The following B3GAT2 variants were observed in gnomAD, a reference collection of about 807,000 sequenced individuals.
B3GAT2 encodes galactosylgalactosylxylosylprotein 3-beta-glucuronosyltransferase 2.
In B3GAT2, 26 loss-of-function variants were observed where a neutral mutation model predicts 27.8. The ratio of observed to expected loss-of-function variants is 0.93; its 90% CI spans 0.68 to 1.30. B3GAT2 has a LOEUF of 1.30. B3GAT2 is among the 50% of genes most tolerant of loss of function. B3GAT2 has a pLI of 0.00. For synonymous variants in B3GAT2, 218 were observed against 195.1 expected (o/e 1.12, Z -0.98); for missense variants, 458 against 459.0 (o/e 1.00, Z 0.02).
At chr6:70,870,156 G>A (rs1406885246) in intron 2 of B3GAT2, among the ~76,000 whole-genome samples, 1 of 151,786 alleles carries the variant, frequency 6.6e-6, no homozygotes, top group Non-Finnish European at 1.5e-5. Flanking sequence ...ATCCAACAAC[G>A]ATAGACTGGA....
intron 2 of B3GAT2, among the ~76,000 whole-genome samples, chr6:70,885,118 A>G (rs1772163049): frequency 6.6e-6 from 1 of 152,212 alleles, no homozygotes; most frequent in South Asian, 2.1e-4. Context: ...TTACCTACAG[A>G]TGCTCTCCTA....
At chr6:70,907,747 T>C (rs1028685522) in intron 1 of B3GAT2, among the ~76,000 whole-genome samples, 81 of 152,178 alleles carry the variant, frequency 5.3e-4, no homozygotes, top group African/African-American at 1.8e-3. Flanking sequence ...GTGTTGCTTA[T>C]AAAGCGACAT....
chr6:70,867,142 C>G (rs1210078414), intron 2 of B3GAT2, among the ~76,000 whole-genome samples: 1 of 152,000 alleles, frequency 6.6e-6, no homozygotes, highest in East Asian at 1.9e-4. Context: ...CAAGACATAT[C>G]AAAATGTGTA....
chr6:70,943,807 G>A (rs1256225062), intron 1 of B3GAT2, among the ~76,000 whole-genome samples: 1 of 152,088 alleles, frequency 6.6e-6, no homozygotes, highest in Admixed American at 6.6e-5. Flanking sequence ...AAAGGTAGGG[G>A]TAGGAATTGG....
In B3GAT2 at chr6:70,879,268, C is replaced by T. The variant is rs564686392; in HGVS notation, c.736+14860G>A. 8.5e-5 allele frequency among the ~76,000 whole-genome samples: 13 copies of T among 152,110 alleles called. No homozygotes were observed. The South Asian group carries it at 1.0e-3, about 12-fold the overall frequency. On this transcript the variant is annotated intron_variant, in intron 2 of 3. Coordinates refer to ENST00000230053, the MANE Select transcript of B3GAT2 (RefSeq NM_080742.3). ...CCCTCACACAGACATAATGATTTCA[C>T]GGGGTACAAAAAATCCTAGGATCCA...
chr6:70,938,968 C>CA (rs1765341923), intron 1 of B3GAT2, among the ~76,000 whole-genome samples: 1 of 151,768 alleles, frequency 6.6e-6, no homozygotes, highest in Non-Finnish European at 1.5e-5. Context: ...AGGCAACCTA[C>CA]AAAATGGGAG....
intron 1 of B3GAT2, among the ~76,000 whole-genome samples, chr6:70,929,617 C>T (rs1773026805): frequency 6.6e-6 from 1 of 152,080 alleles, no homozygotes; most frequent in Non-Finnish European, 1.5e-5. Flanking sequence ...GAATAAAACA[C>T]CCAGGAATCC....
At chr6:70,907,878 T>C (rs927334840) in intron 1 of B3GAT2, among the ~76,000 whole-genome samples, 6 of 152,206 alleles carry the variant, frequency 3.9e-5, no homozygotes, top group African/African-American at 1.4e-4. Context: ...CAGCTGCCAA[T>C]ATTTAGTTAT....
intron 2 of B3GAT2, among the ~76,000 whole-genome samples, chr6:70,865,282 C>G (rs953489941): frequency 3.3e-5 from 5 of 151,960 alleles, no homozygotes; most frequent in African/African-American, 1.2e-4. Context: ...GTGGGCCTGG[C>G]TAATTTTGTA....
intron 1 of B3GAT2, among the ~76,000 whole-genome samples, chr6:70,914,322 CCTCT>C: frequency 6.6e-6 from 1 of 152,194 alleles, no homozygotes; most frequent in African/African-American, 2.4e-5. Context: ...GTGATGTTCC[CCTCT>C]CTGTGTCCAC....
chr6:70,936,580 G>A (rs1200593840), intron 1 of B3GAT2, among the ~76,000 whole-genome samples: 1 of 152,028 alleles, frequency 6.6e-6, no homozygotes, highest in Non-Finnish European at 1.5e-5. Flanking sequence ...AATCAAACTA[G>A]AACTCAAGAT....
intron 2 of B3GAT2, among the ~76,000 whole-genome samples, chr6:70,873,474 GTTTTC>G (rs558099257): frequency 7.4e-4 from 113 of 151,972 alleles, no homozygotes; most frequent in Non-Finnish European, 1.2e-3. Flanking sequence ...ATCATATTCA[GTTTTC>G]TTTTGTTACT....
intron 1 of B3GAT2, among the ~76,000 whole-genome samples, chr6:70,950,374 G>A (rs1765560742): frequency 6.6e-6 from 1 of 151,928 alleles, no homozygotes; most frequent in Non-Finnish European, 1.5e-5. Flanking sequence ...AAAGCTAAGA[G>A]TTGACATAAC....
chr6:70,869,252 G>A (rs1364363003), intron 2 of B3GAT2, among the ~76,000 whole-genome samples: 1 of 152,002 alleles, frequency 6.6e-6, no homozygotes, highest in Non-Finnish European at 1.5e-5. Context: ...TGGGCTCGAG[G>A]GATGCTCCTG....
intron 2 of B3GAT2, among the ~76,000 whole-genome samples, chr6:70,863,810 A>C (rs571175044): frequency 3.9e-5 from 6 of 152,312 alleles, no homozygotes; most frequent in African/African-American, 1.4e-4. Context: ...TATGGCTGAA[A>C]GAATACTGGT....
chr6:70,915,068 T>C (rs1023314080), intron 1 of B3GAT2, among the ~76,000 whole-genome samples: 3 of 152,228 alleles, frequency 2.0e-5, no homozygotes, highest in African/African-American at 7.2e-5. Context: ...CCAGCATCTG[T>C]GGTTTCCTGG....
intron 1 of B3GAT2, among the ~76,000 whole-genome samples, chr6:70,931,726 A>C (rs1773066612): frequency 6.6e-6 from 1 of 152,208 alleles, no homozygotes; most frequent in South Asian, 2.1e-4. Flanking sequence ...AACAGGAGAA[A>C]GCCTTCATGA....
intron 1 of B3GAT2, among the ~76,000 whole-genome samples, chr6:70,914,378 C>T (rs530779842): frequency 1.8e-4 from 28 of 152,192 alleles, no homozygotes; most frequent in South Asian, 6.2e-4. Flanking sequence ...TGAGAACATG[C>T]GGTGTTTGGT....
At position 70,857,990 on chromosome 6, in the gene B3GAT2, T is replaced by C; in HGVS notation, c.*3673A>G. 6.2e-7 allele frequency: 1 copy of C among 1,614,154 alleles called. No individual in the cohort carries two copies. Among genetic ancestry groups the C allele is most frequent in the Non-Finnish European group, 8.5e-7 (1 of 1,179,996 alleles). ...ACCAGCTGCATTTCAGGGCTTTCCA[T>C]CGATGGGCGTGCCTGTGCCTGCAGC... On this transcript the variant is annotated 3_prime_UTR_variant, in exon 4 of 4. Coordinates refer to ENST00000230053, the MANE Select transcript of B3GAT2 (RefSeq NM_080742.3).
Sources: gnomAD v4.1 joint callset for allele counts (sites outside exome capture counted in the v4.1 genomes callset) on GRCh38, gnomAD v4.1.1 for gene constraint, MANE v1.5 for transcripts, NCBI Gene and HGNC (gene_info 2026-07-23, HGNC 2026-07-21) for gene names.